FAM169A: variants seen among roughly 807,000 people sequenced by gnomAD.
FAM169A encodes the protein soluble lamin-associated protein of 75 kDa.
FAM169A carries 24 observed loss-of-function variants against 75.7 expected under a neutral mutation model. The ratio of observed to expected loss-of-function variants is 0.32; its 90% CI spans 0.23 to 0.45. The LOEUF (loss-of-function observed/expected upper bound fraction) is 0.45, where lower values mean the gene tolerates loss of function less well. Ranked by LOEUF, FAM169A falls within the 20% of genes least tolerant of loss-of-function variation. The pLI, the probability that FAM169A is intolerant of heterozygous loss-of-function variation, is 1.00. For missense variants in FAM169A, 673 were observed against 784.0 expected, an observed-to-expected ratio of 0.86 and a Z score of 1.69; for synonymous variants, 271 against 271.0, an observed-to-expected ratio of 1.00 and a Z score of 0.00.
chr5:74,782,481 T>A (rs1198109590), intron 12 of FAM169A, among the ~76,000 whole-genome samples: 1 of 152,146 alleles, frequency 6.6e-6, no homozygotes, highest in Non-Finnish European at 1.5e-5. Flanking sequence ...CATACAACAG[T>A]TTTTTAGCCA....
chr5:74,795,709 A>T (rs73116712), intron 11 of FAM169A, among the ~76,000 whole-genome samples: 13,991 of 152,194 alleles, frequency 0.092, 1,609 homozygotes, highest in African/African-American at 0.27. Flanking sequence ...ATCTTATATC[A>T]TTTGTGTATG....
At chr5:74,814,122 T>C in intron 5 of FAM169A, 103 bp from the exon 6 acceptor site, 4 of 848,732 alleles carry the variant, frequency 4.7e-6, no homozygotes, top group Non-Finnish European at 5.2e-6. Context: ...TTTTCTTCTA[T>C]ATCAAAAAAC....
chr5:74,782,445 T>C (rs1267078124), intron 12 of FAM169A, among the ~76,000 whole-genome samples: 1 of 152,218 alleles, frequency 6.6e-6, no homozygotes, highest in Non-Finnish European at 1.5e-5. Flanking sequence ...TTTTATTCTT[T>C]TGCTTAGGTG....
intron 1 of FAM169A, among the ~76,000 whole-genome samples, chr5:74,842,013 C>T (rs537254249): frequency 3.3e-5 from 5 of 151,538 alleles, no homozygotes; most frequent in South Asian, 2.1e-4. Context: ...ATAAACCACT[C>T]AACATAAAAG....
chr5:74,861,323 TATA>T (rs1474815664), intron 1 of FAM169A, among the ~76,000 whole-genome samples: 1 of 152,212 alleles, frequency 6.6e-6, no homozygotes, highest in Non-Finnish European at 1.5e-5. Flanking sequence ...TTACCAAATA[TATA>T]CACTGGTAGC....
intron 6 of FAM169A, among the ~76,000 whole-genome samples, chr5:74,807,358 G>C (rs758373593): frequency 4.6e-5 from 7 of 152,222 alleles, no homozygotes; most frequent in African/African-American, 7.2e-5. Flanking sequence ...ACAGTACTCT[G>C]TAGAGTATTG....
Position 74,830,689 on chromosome 5 carries a change from T to A in FAM169A, c.490+3737A>T, listed in dbSNP as rs1243751263. ...TATACATCACATATCTATTTTTTTT[T>A]AAACAGGGAATACATAATTTTTACA... On this transcript the variant is annotated intron_variant, in intron 5 of 12. Transcript: ENST00000687041. Among the ~76,000 whole-genome samples, 3 of 152,268 alleles carry A rather than the reference T, an allele frequency of 2.0e-5. No individual in the cohort carries two copies. In the East Asian group the frequency reaches 5.8e-4, roughly 29 times the overall value.
At chr5:74,783,180 CTAACT>C (rs1745499083) in intron 11 of FAM169A, 46 bp from the exon 12 acceptor site, 8 of 1,412,736 alleles carry the variant, frequency 5.7e-6, no homozygotes, top group Non-Finnish European at 7.9e-6. Flanking sequence ...TGATTACAAA[CTAACT>C]TATTTGTCAT....
chr5:74,853,229 C>T (rs1016682835), intron 1 of FAM169A, among the ~76,000 whole-genome samples: 1 of 152,186 alleles, frequency 6.6e-6, no homozygotes, highest in Admixed American at 6.5e-5. Context: ...ATAATAACCT[C>T]AAAATGTCAT....
chr5:74,814,132 CGTT>C (rs1322550704), intron 5 of FAM169A, 113 bp from the exon 6 acceptor site: 2 of 662,302 alleles, frequency 3.0e-6, no homozygotes, highest in East Asian at 3.1e-5. Context: ...TATCAAAAAA[CGTT>C]AAATATATAA....
chr5:74,805,147 C>T lies in FAM169A; in HGVS notation c.799+9G>A. The T allele has an allele frequency of 6.2e-7, 1 of 1,612,506 alleles. No homozygotes were observed. Among genetic ancestry groups the T allele is most frequent in the Non-Finnish European group, 8.5e-7 (1 of 1,179,094 alleles). On this transcript the variant is annotated intron_variant, in intron 7 of 12. Transcript: ENST00000687041. ...ACTGAACTTATGTTCAAACTGAAAA[C>T]ACTCTTACCTAGAATTTTAAGTGCT...
chr5:74,784,277 A>T (rs1206992950), intron 11 of FAM169A, among the ~76,000 whole-genome samples: 1 of 152,000 alleles, frequency 6.6e-6, no homozygotes, highest in Non-Finnish European at 1.5e-5. Flanking sequence ...GTCAAAAAAT[A>T]AAAATAATAC....
intron 1 of FAM169A, among the ~76,000 whole-genome samples, chr5:74,849,964 T>C (rs1196725026): frequency 6.6e-6 from 1 of 152,196 alleles, no homozygotes; most frequent in African/African-American, 2.4e-5. Flanking sequence ...ATAAATTAGG[T>C]AATAGAGCAG....
chr5:74,856,669 T>C (rs1270082551), intron 1 of FAM169A, among the ~76,000 whole-genome samples: 4 of 152,046 alleles, frequency 2.6e-5, no homozygotes, highest in African/African-American at 4.8e-5. Flanking sequence ...ATTTAGATGA[T>C]ACTAGATTAA....
intron 1 of FAM169A, among the ~76,000 whole-genome samples, chr5:74,863,427 A>C (rs930069963): frequency 2.6e-5 from 4 of 152,166 alleles, no homozygotes; most frequent in Non-Finnish European, 2.9e-5. Flanking sequence ...TCCTTTTTTC[A>C]CTTAGAATCA....
chr5:74,781,714 G>A lies in FAM169A; in HGVS notation c.1759C>T (p.Pro587Ser). Residue 587 changes from proline to serine, a missense_variant, in exon 13 of 13, where the codon CCT becomes TCT. Around this residue, in one of 3 missense-constraint regions of FAM169A, gnomAD observed 510 missense variants for 550.9 expected, o/e 0.93. Coordinates refer to ENST00000687041, the MANE Select transcript of FAM169A (RefSeq NM_001376049.1). The stretch of plus-strand genomic sequence containing the variant: ...TCAACCTCTATCAAAGAACTCTGAG[G>A]AAGAGCAGTAGATGTTTCCTGGGGC... The part of the protein sequence containing the change: ...SEPQETSTAL[P>S]QSSLIEVELE... The A allele has an allele frequency of 1.2e-6, 2 of 1,614,158 alleles. No homozygotes were observed. Among genetic ancestry groups the A allele is most frequent in the Non-Finnish European group, 1.7e-6 (2 of 1,180,012 alleles).
At chr5:74,846,083 A>C (rs1026332086) in intron 1 of FAM169A, among the ~76,000 whole-genome samples, 1 of 152,220 alleles carries the variant, frequency 6.6e-6, no homozygotes, top group African/African-American at 2.4e-5. Flanking sequence ...CTTATGGACA[A>C]GACTCCTAAT....
chr5:74,851,068 ACCACAC>A (rs1340610892), intron 1 of FAM169A, among the ~76,000 whole-genome samples: 1 of 152,212 alleles, frequency 6.6e-6, no homozygotes, highest in Non-Finnish European at 1.5e-5. Flanking sequence ...GGCACATGCC[ACCACAC>A]CCAGCTAAGT....
intron 8 of FAM169A, among the ~76,000 whole-genome samples, chr5:74,804,025 C>T (rs1746724941): frequency 6.6e-6 from 1 of 151,970 alleles, no homozygotes; most frequent in Non-Finnish European, 1.5e-5. Flanking sequence ...TAGTGTGCTG[C>T]TATGTAACAA....
Sources: allele counts gnomAD v4.1 joint callset (sites outside exome capture counted in the v4.1 genomes callset), GRCh38; gene constraint gnomAD v4.1.1; regional missense constraint gnomAD v4.1.1; transcripts MANE v1.5; gene names NCBI Gene and HGNC (gene_info 2026-07-23, HGNC 2026-07-21).